The following TAX1BP1 variants were observed in gnomAD, a reference collection of about 807,000 sequenced individuals.
TAX1BP1 encodes the protein tax1-binding protein 1.
Under a neutral mutation model 97.7 loss-of-function variants are expected in TAX1BP1, and 62 were observed. That is an observed-to-expected ratio of 0.63 (90% CI 0.52 to 0.78). The LOEUF (loss-of-function observed/expected upper bound fraction) is 0.78, where lower values mean the gene tolerates loss of function less well. Among genes scored for constraint, TAX1BP1 ranks in the 30% least tolerant of loss-of-function variants. TAX1BP1 has a pLI of 0.00. For synonymous variants in TAX1BP1, 340 were observed against 304.2 expected (o/e 1.12, Z -1.23); for missense variants, 867 against 916.1 (o/e 0.95, Z 0.69).
Position 27,765,829 on chromosome 7 carries a change from C to G in TAX1BP1, c.266-5C>G. The G allele has an allele frequency of 6.2e-7, 1 of 1,608,344 alleles. No homozygotes were observed. Among genetic ancestry groups the G allele is most frequent in the Non-Finnish European group, 8.5e-7 (1 of 1,176,162 alleles). On this transcript the variant is annotated splice_region_variant and splice_polypyrimidine_tract_variant and intron_variant, in intron 3 of 16. Coordinates refer to ENST00000396319, the MANE Select transcript of TAX1BP1 (RefSeq NM_006024.7). ...TAATAATTTTGTTTGTTAACTTCCT[C>G]TTAGGATATTACCTTCCAAATGATG...
At chr7:27,826,535 C>T (rs558339405) in intron 15 of TAX1BP1, among the ~76,000 whole-genome samples, 4 of 152,240 alleles carry the variant, frequency 2.6e-5, no homozygotes, top group South Asian at 2.1e-4. Context: ...TCCTCAGTGC[C>T]GGCTGCGCTT....
chr7:27,799,934 A>G, intron 12 of TAX1BP1, 31 bp from the exon 13 acceptor site: 1 of 1,549,184 alleles, frequency 6.5e-7, no homozygotes. Context: ...TGAATTTAAA[A>G]TCTTTTGGTA....
chr7:27,766,204 A>G (rs1788627054), intron 4 of TAX1BP1, among the ~76,000 whole-genome samples, 183 bp downstream of exon 4: 1 of 152,074 alleles, frequency 6.6e-6, no homozygotes, highest in African/African-American at 2.4e-5. Flanking sequence ...GCAGATCACG[A>G]TGTCAGGATA....
In TAX1BP1 at chr7:27,829,522, T is replaced by TATA. The variant is rs913508446; in HGVS notation, c.*696_*698dup. ...GGGAAAATGGAACAAGAGATGTCAG[T>TATA]ATAATTGTTTTCCTATTAAATGATC... On this transcript the variant is annotated 3_prime_UTR_variant, in exon 17 of 17. Transcript: ENST00000396319. 6.6e-6 allele frequency: 1 copy of TATA among 152,230 alleles called. No individual in the cohort carries two copies. The highest frequency in any genetic ancestry group is 2.4e-5 in the African/African-American group (1 of 41,470). The allele number at this position is 152,230 out of a possible 1,614,324, so 9.4% of individuals were successfully genotyped here. A position where few individuals can be genotyped will look rare whatever the true frequency, so the allele number is the denominator to read the frequency against.
chr7:27,783,561 C>T (rs1259328112), intron 5 of TAX1BP1, among the ~76,000 whole-genome samples: 2 of 152,186 alleles, frequency 1.3e-5, no homozygotes, highest in Non-Finnish European at 2.9e-5. Context: ...GTAAAGTTAA[C>T]TGACTCAAAG....
intron 2 of TAX1BP1, among the ~76,000 whole-genome samples, chr7:27,754,000 T>C (rs1788114603): frequency 1.3e-5 from 2 of 152,204 alleles, no homozygotes; most frequent in East Asian, 3.8e-4. Context: ...ATTGGAATTC[T>C]CACATCTCCG....
chr7:27,801,922 A>G (rs1234690786), intron 13 of TAX1BP1, among the ~76,000 whole-genome samples: 2 of 152,202 alleles, frequency 1.3e-5, no homozygotes, highest in African/African-American at 2.4e-5. Context: ...TGTCCAATCA[A>G]ATATTTAGGG....
chr7:27,803,131 A>G (rs1562733492), intron 13 of TAX1BP1: 3 of 1,547,990 alleles, frequency 1.9e-6, no homozygotes, highest in Non-Finnish European at 2.6e-6. Flanking sequence ...GAGAAAGACA[A>G]AGAAATAAGT....
intron 15 of TAX1BP1, among the ~76,000 whole-genome samples, chr7:27,826,241 A>G (rs958414610): frequency 3.9e-5 from 6 of 152,104 alleles, no homozygotes; most frequent in African/African-American, 1.2e-4. Context: ...TTATCTCCCA[A>G]TTTAATCCCC....
chr7:27,769,617 TA>T, intron 4 of TAX1BP1, 58 bp from the exon 5 acceptor site: 1 of 1,378,258 alleles, frequency 7.3e-7, no homozygotes, highest in Non-Finnish European at 9.8e-7. Flanking sequence ...ACTAAATTTG[TA>T]ATAACATATT....
intron 9 of TAX1BP1, 39 bp from the exon 10 acceptor site, chr7:27,793,027 G>T (rs1789780164): frequency 6.4e-7 from 1 of 1,554,688 alleles, no homozygotes. Context: ...GGAGGTATCA[G>T]ATTTTTATTT....
At chr7:27,793,511 A>C (rs925630670) in intron 10 of TAX1BP1, among the ~76,000 whole-genome samples, 1 of 152,182 alleles carries the variant, frequency 6.6e-6, no homozygotes, top group Non-Finnish European at 1.5e-5. Flanking sequence ...CTCAATACTT[A>C]TTATTGACTC....
At chr7:27,801,761 C>T (rs1040915131) in intron 13 of TAX1BP1, among the ~76,000 whole-genome samples, 1 of 152,132 alleles carries the variant, frequency 6.6e-6, no homozygotes, top group Admixed American at 6.6e-5. Flanking sequence ...AACAACATAT[C>T]TAAAATTACG....
upstream of TAX1BP1, chr7:27,739,699 G>C (rs1412854650): frequency 6.6e-6 from 1 of 152,212 alleles, no homozygotes. Flanking sequence ...CAGGAGTTCA[G>C]AGACAGTCTT....
intron 2 of TAX1BP1, among the ~76,000 whole-genome samples, chr7:27,749,133 G>A (rs576226194): frequency 6.6e-6 from 1 of 152,174 alleles, no homozygotes; most frequent in East Asian, 1.9e-4. Flanking sequence ...TATTCTGTTT[G>A]TATTACACAG....
rs1562689360 is a variant in TAX1BP1 at position 27,740,254 on chromosome 7, G to A, written c.-23G>A. 6.6e-6 allele frequency: 1 copy of A among 152,454 alleles called. No individual in the cohort carries two copies. Among genetic ancestry groups the A allele is most frequent in the Non-Finnish European group, 1.5e-5 (1 of 68,256 alleles). The allele number at this position is 152,454 out of a possible 1,614,324, so 9.4% of individuals were successfully genotyped here. A position where few individuals can be genotyped will look rare whatever the true frequency, so the allele number is the denominator to read the frequency against. On this transcript the variant is annotated 5_prime_UTR_variant, in exon 1 of 17. Transcript: ENST00000396319. ...CTGCGTAACTTTCTCCCTTGATCCG[G>A]GAGTCTTTCCACTGGGTAAGGCGCC...
chr7:27,754,846 G>A (rs997467854), intron 2 of TAX1BP1, among the ~76,000 whole-genome samples: 16 of 152,104 alleles, frequency 1.1e-4, no homozygotes, highest in Admixed American at 1.3e-4. Flanking sequence ...GTCTCCCAAA[G>A]TGCTGGGATT....
At chr7:27,811,252 A>G (rs1583401688) in intron 13 of TAX1BP1, among the ~76,000 whole-genome samples, 1 of 152,320 alleles carries the variant, frequency 6.6e-6, no homozygotes, top group Middle Eastern at 3.4e-3. Context: ...ATGCCATCTT[A>G]ACCTCACAGT....
intron 2 of TAX1BP1, 75 bp downstream of exon 2, chr7:27,748,761 T>C: frequency 8.4e-7 from 1 of 1,191,340 alleles, no homozygotes; most frequent in Non-Finnish European, 1.1e-6. Context: ...ATAAGTAGCT[T>C]TTACTTGCCT....
Sources: allele counts gnomAD v4.1 joint callset (sites outside exome capture counted in the v4.1 genomes callset), GRCh38; gene constraint gnomAD v4.1.1; transcripts MANE v1.5; gene names NCBI Gene and HGNC (gene_info 2026-07-23, HGNC 2026-07-21).